The following RAP1GDS1 variants were observed in gnomAD, a reference collection of about 807,000 sequenced individuals.
RAP1GDS1 encodes the protein Rap1 GTPase-GDP dissociation stimulator 1.
Under a neutral mutation model 71.1 loss-of-function variants are expected in RAP1GDS1, and 35 were observed. That is an observed-to-expected ratio of 0.49 (90% CI 0.38 to 0.65). RAP1GDS1 has a LOEUF of 0.65. RAP1GDS1 is among the 30% of genes least tolerant of loss of function. The pLI is 0.00. For missense variants in RAP1GDS1, 663 were observed against 706.1 expected, an observed-to-expected ratio of 0.94 and a Z score of 0.69; for synonymous variants, 229 against 243.1, an observed-to-expected ratio of 0.94 and a Z score of 0.54.
intron 13 of RAP1GDS1, among the ~76,000 whole-genome samples, chr4:98,436,083 T>A (rs77710405): frequency 5.0e-4 from 67 of 133,174 alleles, no homozygotes; most frequent in African/African-American, 1.6e-3. Context: ...AAAAAAAATA[T>A]ATATATATAT....
chr4:98,415,406 G>T (rs1747800851), intron 7 of RAP1GDS1, among the ~76,000 whole-genome samples: 1 of 152,228 alleles, frequency 6.6e-6, no homozygotes, highest in Admixed American at 6.5e-5. Context: ...AGGATTAAGA[G>T]ATTAAAGTAA....
intron 4 of RAP1GDS1, among the ~76,000 whole-genome samples, chr4:98,372,082 C>G (rs1054747564): frequency 2.6e-5 from 4 of 152,050 alleles, no homozygotes; most frequent in African/African-American, 9.7e-5. Context: ...ATTGTCTGAA[C>G]TGTTCTTTGT....
At chr4:98,298,717 G>T (rs1728147351) in intron 2 of RAP1GDS1, among the ~76,000 whole-genome samples, 1 of 152,082 alleles carries the variant, frequency 6.6e-6, no homozygotes, top group Admixed American at 6.6e-5. Context: ...TTATTTTTGT[G>T]CCTGTTAACA....
At chr4:98,272,943 G>A (rs1414649591) in intron 1 of RAP1GDS1, among the ~76,000 whole-genome samples, 3 of 152,040 alleles carry the variant, frequency 2.0e-5, no homozygotes, top group African/African-American at 4.8e-5. Context: ...CCCACCTATC[G>A]AGCTTTTTCA....
chr4:98,267,761 G>T (rs1271886594), intron 1 of RAP1GDS1, among the ~76,000 whole-genome samples: 1 of 152,050 alleles, frequency 6.6e-6, no homozygotes, highest in East Asian at 1.9e-4. Context: ...TAGGCACCTG[G>T]GTTGTTTTCA....
intron 7 of RAP1GDS1, among the ~76,000 whole-genome samples, chr4:98,408,658 G>A (rs72688425): frequency 0.081 from 12,256 of 152,078 alleles, 858 homozygotes; most frequent in East Asian, 0.39. Flanking sequence ...TAAAATTTTA[G>A]CAAATTTACT....
At chr4:98,317,452 G>A (rs532674486) in intron 2 of RAP1GDS1, among the ~76,000 whole-genome samples, 89 of 152,252 alleles carry the variant, frequency 5.8e-4, no homozygotes, top group African/African-American at 2.0e-3. Context: ...TCGGGGCTAA[G>A]GTCATATTGC....
intron 2 of RAP1GDS1, among the ~76,000 whole-genome samples, chr4:98,296,529 T>A (rs1390326473): frequency 3.3e-5 from 5 of 152,132 alleles, no homozygotes; most frequent in Non-Finnish European, 7.4e-5. Context: ...AAATCTATGA[T>A]CTAAATTAAT....
intron 10 of RAP1GDS1, 39 bp from the exon 11 acceptor site, chr4:98,419,980 G>A: frequency 6.5e-7 from 1 of 1,531,850 alleles, no homozygotes; most frequent in Non-Finnish European, 8.9e-7. Context: ...CAACAGGAAT[G>A]CTAATACCAT....
chr4:98,297,008 G>T, intron 2 of RAP1GDS1: 1 of 188,082 alleles, frequency 5.3e-6, no homozygotes, highest in South Asian at 7.9e-5. Flanking sequence ...GTCTTCCCCT[G>T]CCTCGTTCTC....
intron 4 of RAP1GDS1, among the ~76,000 whole-genome samples, chr4:98,354,110 C>T (rs1447634980): frequency 2.0e-5 from 3 of 147,202 alleles, no homozygotes; most frequent in East Asian, 2.0e-4. Context: ...GGCCGGACTG[C>T]GGACTGCAGT....
At chr4:98,388,158 C>T (rs1743047418) in intron 5 of RAP1GDS1, among the ~76,000 whole-genome samples, 1 of 152,174 alleles carries the variant, frequency 6.6e-6, no homozygotes, top group Non-Finnish European at 1.5e-5. Context: ...AGCACCGCCA[C>T]CTACTGAATT....
In RAP1GDS1 at chr4:98,381,442, G is replaced by A. The variant is rs542739509; in HGVS notation, c.508+2279G>A. On this transcript the variant is annotated intron_variant, in intron 5 of 14. Coordinates refer to ENST00000408927, the MANE Select transcript of RAP1GDS1 (RefSeq NM_001100427.2). Reference sequence around the variant, plus strand: ...GTATGTTTGGCATAATTATTAAAGCGTCTTTATTGTTTTGTCCATTATTTG... The same window carrying A: ...GTATGTTTGGCATAATTATTAAAGCATCTTTATTGTTTTGTCCATTATTTG... Among the ~76,000 whole-genome samples the A allele has an allele frequency of 1.7e-3, 257 of 151,416 alleles. 1 individual carries two copies. The highest frequency in any genetic ancestry group is 5.0e-3 in the African/African-American group (209 of 41,394).
intron 5 of RAP1GDS1, among the ~76,000 whole-genome samples, chr4:98,385,330 T>C (rs1214606208): frequency 6.6e-6 from 1 of 151,908 alleles, no homozygotes; most frequent in East Asian, 1.9e-4. Flanking sequence ...GTTCCTATAC[T>C]AGTTGAAATA....
chr4:98,405,914 T>C (rs1052920729), intron 7 of RAP1GDS1, among the ~76,000 whole-genome samples: 51 of 152,094 alleles, frequency 3.4e-4, no homozygotes, highest in Non-Finnish European at 6.6e-4. Context: ...TGTACATTTA[T>C]GTGATTTAAA....
chr4:98,307,590 A>G lies in RAP1GDS1; in HGVS notation c.112+14075A>G, dbSNP rs992388747. Among the ~76,000 whole-genome samples, 4 of 152,070 alleles carry G rather than the reference A, an allele frequency of 2.6e-5. No individual in the cohort carries two copies. The South Asian group carries it at 8.3e-4, about 31-fold the overall frequency. On this transcript the variant is annotated intron_variant, in intron 2 of 14. Transcript: ENST00000408927. ...AGTTTGGTTCATATGCTTTCCATAC[A>G]TTACTTTTTAAAAATATTCCTTTGT... is the stretch of plus-strand genomic sequence containing the variant.
intron 2 of RAP1GDS1, among the ~76,000 whole-genome samples, chr4:98,301,396 C>T (rs940765381): frequency 1.3e-5 from 2 of 152,074 alleles, no homozygotes; most frequent in Non-Finnish European, 2.9e-5. Flanking sequence ...GTTGAGACTC[C>T]TGGATTGCCA....
At chr4:98,419,962 A>ATGTT (rs1748576813) in intron 10 of RAP1GDS1, 57 bp from the exon 11 acceptor site, 2 of 1,450,712 alleles carry the variant, frequency 1.4e-6, no homozygotes, top group Admixed American at 4.3e-5. Context: ...ATTGAATTGA[A>ATGTT]TGTTTATCAA....
At chr4:98,356,020 C>T (rs926594959) in intron 4 of RAP1GDS1, among the ~76,000 whole-genome samples, 2 of 152,070 alleles carry the variant, frequency 1.3e-5, no homozygotes, top group South Asian at 2.1e-4. Flanking sequence ...TCGAAGTATC[C>T]GAACAGACTT....
Sources: allele counts gnomAD v4.1 joint callset (sites outside exome capture counted in the v4.1 genomes callset), GRCh38; gene constraint gnomAD v4.1.1; transcripts MANE v1.5; gene names NCBI Gene and HGNC (gene_info 2026-07-23, HGNC 2026-07-21).